The following DNTT variants were observed in gnomAD, a reference collection of about 807,000 sequenced individuals.
DNTT encodes nucleosidetriphosphate:DNA deoxynucleotidylexotransferase.
In DNTT, 47 loss-of-function variants were observed where a neutral mutation model predicts 60.9. That is an observed-to-expected ratio of 0.77 (90% CI 0.61 to 0.98). The LOEUF (loss-of-function observed/expected upper bound fraction) is 0.98. DNTT is among the 50% of genes least tolerant of loss of function. The pLI is 0.00. For missense variants in DNTT, 665 were observed against 627.5 expected (o/e 1.06, Z -0.64); for synonymous variants, 224 against 221.2 (o/e 1.01, Z -0.11).
chr10:96,305,654 G>A (rs1390366769), intron 1 of DNTT, among the ~76,000 whole-genome samples: 1 of 152,154 alleles, frequency 6.6e-6, no homozygotes, highest in Non-Finnish European at 1.5e-5. Flanking sequence ...TATGTGAAAG[G>A]ACATTTTGAT....
intron 1 of DNTT, among the ~76,000 whole-genome samples, chr10:96,315,342 A>G (rs1267323163): frequency 6.6e-6 from 1 of 152,032 alleles, no homozygotes; most frequent in Non-Finnish European, 1.5e-5. Context: ...GTTGGGAACT[A>G]GTGGCAACCA....
Position 96,304,700 on chromosome 10 carries a change from G to C in DNTT, c.203G>C (p.Ser68Thr). 1.2e-6 allele frequency: 2 copies of C among 1,613,588 alleles called. No individual in the cohort carries two copies. The highest frequency in any genetic ancestry group is 1.7e-6 in the Non-Finnish European group (2 of 1,179,818). The change falls in exon 1 of 11, where the codon AGT becomes ACT. Residue 68 changes from serine to threonine, a missense_variant and splice_region_variant. Coordinates refer to ENST00000371174, the MANE Select transcript of DNTT (RefSeq NM_004088.4). ...GGGTTCAGGGTTGAAAATGAGCTCAGGTAGGACAGCATCGATCTTGCTTTG... is the reference window on the plus strand; with the variant it reads ...GGGTTCAGGGTTGAAAATGAGCTCACGTAGGACAGCATCGATCTTGCTTTG... Reference protein sequence around the residue: ...RKGFRVENELSDSVTHIVAEN... With the variant: ...RKGFRVENELTDSVTHIVAEN...
chr10:96,320,256 ATCAAGGCAGAAT>A (rs1235085913), intron 3 of DNTT, among the ~76,000 whole-genome samples: 1 of 152,220 alleles, frequency 6.6e-6, no homozygotes, highest in Non-Finnish European at 1.5e-5. Context: ...CTGCTCAGTG[ATCAAGGCAGAAT>A]TCTAGCCACA....
chr10:96,325,175 A>G (rs1418725296), intron 6 of DNTT, among the ~76,000 whole-genome samples: 1 of 152,220 alleles, frequency 6.6e-6, no homozygotes, highest in African/African-American at 2.4e-5. Context: ...TTTAACAAGC[A>G]ATAAAAATAC....
At chr10:96,319,726 G>A (rs1284683620) in intron 3 of DNTT, among the ~76,000 whole-genome samples, 1 of 152,194 alleles carries the variant, frequency 6.6e-6, no homozygotes, top group Non-Finnish European at 1.5e-5. Flanking sequence ...CATAGTAAGA[G>A]CAAATTACAT....
At position 96,332,401 on chromosome 10, in the gene DNTT, G is replaced by T; in HGVS notation, c.1164G>T (p.Arg388Ser). 5 of 1,614,142 alleles carry T rather than the reference G, an allele frequency of 3.1e-6. No homozygotes were observed. The highest frequency in any genetic ancestry group is 4.2e-6 in the Non-Finnish European group (5 of 1,180,010). ...TGGAGTCAACATTTGAAAAGCTCAG[G>T]TTGCCTAGCAGGAAGGTTGATGCTT... ...DLVESTFEKL[R>S]LPSRKVDALD... The change falls in exon 9 of 11, where the codon AGG becomes AGT. Residue 388 changes from arginine to serine, a missense_variant. By Grantham distance (110) the Arg-to-Ser change is moderately radical. Transcript: ENST00000371174.
intron 6 of DNTT, among the ~76,000 whole-genome samples, chr10:96,327,183 A>C (rs938966197): frequency 2.6e-5 from 4 of 152,236 alleles, no homozygotes; most frequent in African/African-American, 9.6e-5. Flanking sequence ...GTTCTTCAGT[A>C]GGAAGTCAGA....
rs77050655 is a variant in DNTT at position 96,310,027 on chromosome 10, C to T, written c.203+5327C>T. Among the ~76,000 whole-genome samples, 1,036 of 152,314 alleles carry T rather than the reference C, an allele frequency of 6.8e-3. 8 individuals are homozygous for T. The highest frequency in any genetic ancestry group is 0.023 in the African/African-American group (939 of 41,564). Reference sequence around the variant, plus strand: ...AGATTCTGTGGGAGGGAGGGCCTAACTTCAGAGGACCTTCCTCTAATTTAC... The same window carrying T: ...AGATTCTGTGGGAGGGAGGGCCTAATTTCAGAGGACCTTCCTCTAATTTAC... On this transcript the variant is annotated intron_variant, in intron 1 of 10. Coordinates refer to ENST00000371174, the MANE Select transcript of DNTT (RefSeq NM_004088.4).
At chr10:96,322,602 TAGAC>T in intron 4 of DNTT, 51 bp from the exon 5 acceptor site, 1 of 1,450,034 alleles carries the variant, frequency 6.9e-7, no homozygotes. Context: ...TTGAGAGTCT[TAGAC>T]AGTAATTGTC....
At chr10:96,308,275 T>C (rs1481223584) in intron 1 of DNTT, among the ~76,000 whole-genome samples, 2 of 152,322 alleles carry the variant, frequency 1.3e-5, no homozygotes, top group African/African-American at 4.8e-5. Context: ...GCAACATAAT[T>C]GGGTGGAGCT....
At position 96,320,599 on chromosome 10, in the gene DNTT, A is replaced by G. The variant is rs367740246; in HGVS notation, c.508-19A>G. The G allele has an allele frequency of 9.3e-6, 15 of 1,611,802 alleles. No individual in the cohort carries two copies. Among genetic ancestry groups the G allele is most frequent in the African/African-American group, 1.3e-5 (1 of 74,802 alleles). The stretch of plus-strand genomic sequence containing the variant: ...GGGCTTGGAAGCAAATCTCCTGCTT[A>G]TCTGGTTTTATCCTGCAGGATGCCT... On this transcript the variant is annotated intron_variant, in intron 3 of 10. Coordinates refer to ENST00000371174, the MANE Select transcript of DNTT (RefSeq NM_004088.4).
intron 1 of DNTT, among the ~76,000 whole-genome samples, chr10:96,315,385 G>C (rs1007064204): frequency 6.6e-6 from 1 of 152,086 alleles, no homozygotes; most frequent in African/African-American, 2.4e-5. Flanking sequence ...GGCTTAAGAG[G>C]TTTTGTTTGA....
intron 7 of DNTT, among the ~76,000 whole-genome samples, chr10:96,327,864 C>T (rs2133992689): frequency 6.6e-6 from 1 of 152,344 alleles, no homozygotes; most frequent in South Asian, 2.1e-4. Flanking sequence ...GCTTGGCTGA[C>T]TTCCCCTCAT....
intron 1 of DNTT, among the ~76,000 whole-genome samples, chr10:96,310,847 T>C (rs1389126202): frequency 1.3e-5 from 2 of 152,240 alleles, no homozygotes; most frequent in East Asian, 1.9e-4. Flanking sequence ...GAATTTTTTT[T>C]CTGCAATGCA....
chr10:96,320,847 A>C (rs1844860974), intron 4 of DNTT, 59 bp downstream of exon 4: 1 of 1,592,384 alleles, frequency 6.3e-7, no homozygotes, highest in Non-Finnish European at 8.6e-7. Context: ...CGGGGGAGAG[A>C]GGGATGTAGC....
rs543058188 is a variant in DNTT, at chr10:96,338,502, G to A, written c.*278G>A. 1 of 263,560 alleles carries A rather than the reference G, an allele frequency of 3.8e-6. No individual in the cohort carries two copies. Among genetic ancestry groups the A allele is most frequent in the Admixed American group, 4.9e-5 (1 of 20,452 alleles). The allele number at this position is 263,560 out of a possible 1,614,324, so 16.3% of individuals were successfully genotyped here. On this transcript the variant is annotated 3_prime_UTR_variant, in exon 11 of 11. Transcript: ENST00000371174. ...GGCTCATTCAGGGAAGCTCATCAAA[G>A]CCCACTTTGTTCGCAGTGTAGCTGA...
At chr10:96,337,631 C>T (rs1488460524) in intron 10 of DNTT, among the ~76,000 whole-genome samples, 1 of 152,206 alleles carries the variant, frequency 6.6e-6, no homozygotes, top group African/African-American at 2.4e-5. Context: ...TTAAAGAGAT[C>T]ACAGAGTGGG....
intron 7 of DNTT, 83 bp downstream of exon 7, chr10:96,327,683 A>G (rs1428636209): frequency 2.0e-6 from 3 of 1,533,848 alleles, no homozygotes; most frequent in African/African-American, 1.4e-5. Flanking sequence ...AAACGGCACA[A>G]AAGGCTGTGA....
At chr10:96,307,343 G>GTTGTTTTTTTT (rs1844650391) in intron 1 of DNTT, among the ~76,000 whole-genome samples, 3 of 67,606 alleles carry the variant, frequency 4.4e-5, no homozygotes, top group African/African-American at 1.9e-4. Context: ...GGGTTTTCCA[G>GTTGTTTTTTTT]TTTTTTTTTT....
Sources: gnomAD v4.1 joint callset for allele counts (sites outside exome capture counted in the v4.1 genomes callset) on GRCh38, gnomAD v4.1.1 for gene constraint, MANE v1.5 for transcripts, NCBI Gene and HGNC (gene_info 2026-07-23, HGNC 2026-07-21) for gene names.